FKBP3: variants seen among roughly 807,000 people sequenced by gnomAD.
FKBP3 encodes FKBP prolyl isomerase 3, also known as peptidyl-prolyl cis-trans isomerase FKBP3.
A neutral mutation model predicts 30.6 loss-of-function variants in FKBP3; 21 were observed. That is an observed-to-expected ratio of 0.69 (90% confidence interval 0.49 to 0.99). FKBP3 has a LOEUF of 0.99. Ranked by LOEUF, FKBP3 falls within the 50% of genes least tolerant of loss-of-function variation. The pLI, the probability that FKBP3 is intolerant of heterozygous loss-of-function variation, is 0.00. For synonymous variants in FKBP3, 82 were observed against 91.3 expected (o/e 0.90, Z 0.58); for missense variants, 283 against 261.6 (o/e 1.08, Z -0.56).
intron 3 of FKBP3, among the ~76,000 whole-genome samples, chr14:45,122,479 A>G (rs1885006961): frequency 6.6e-6 from 1 of 152,116 alleles, no homozygotes. Context: ...AAGCAAGAGA[A>G]AAGTGTTTTC....
chr14:45,123,573 T>A (rs1172851497), intron 3 of FKBP3, among the ~76,000 whole-genome samples: 1 of 143,384 alleles, frequency 7.0e-6, no homozygotes, highest in African/African-American at 2.5e-5. Context: ...TTTTCACTTC[T>A]CTAACTCTGC....
intron 5 of FKBP3, among the ~76,000 whole-genome samples, chr14:45,120,302 G>A (rs1282036637): frequency 1.3e-5 from 2 of 152,148 alleles, no homozygotes; most frequent in African/African-American, 4.8e-5. Flanking sequence ...TACGGGTCAA[G>A]CCTAACTTCC....
At chr14:45,129,132 C>A (rs1323470518) in intron 3 of FKBP3, among the ~76,000 whole-genome samples, 1 of 152,214 alleles carries the variant, frequency 6.6e-6, no homozygotes, top group Non-Finnish European at 1.5e-5. Context: ...AATAGCCTCA[C>A]CTCTTTACAA....
intron 1 of FKBP3, chr14:45,131,401 G>A (rs1416821961): frequency 6.6e-6 from 1 of 152,114 alleles, no homozygotes; most frequent in East Asian, 1.9e-4. Flanking sequence ...GGAGGCTGAG[G>A]CAGGCGGATC....
chr14:45,121,609 T>C lies in FKBP3; in HGVS notation c.330A>G (p.Lys110=), dbSNP rs1884986622. 1 of 1,613,320 alleles carries C rather than the reference T, an allele frequency of 6.2e-7. No homozygotes were observed. Among genetic ancestry groups the C allele is most frequent in the African/African-American group, 1.3e-5 (1 of 75,012 alleles). ...SEETLDEGPP[K]YTKSVLKKGD... is the part of the protein sequence containing the mutation. ...CCTTTTTCAGAACAGATTTAGTATA[T>C]TTTGGTGGACCCTAAAAACAAAAAA... is the stretch of plus-strand genomic sequence containing the variant. Residue 110 remains lysine (K), a synonymous_variant, in exon 4 of 7, where the codon AAA becomes AAG. Coordinates refer to ENST00000396062, the MANE Select transcript of FKBP3 (RefSeq NM_002013.4).
intron 5 of FKBP3, 147 bp from the exon 6 acceptor site, chr14:45,118,272 G>A (rs1028867527): frequency 2.3e-5 from 12 of 524,402 alleles, no homozygotes; most frequent in Admixed American, 8.1e-5. Flanking sequence ...GTACTTCAGT[G>A]AGTCCCTAAA....
chr14:45,127,149 T>C (rs1205246220), intron 3 of FKBP3, among the ~76,000 whole-genome samples: 3 of 145,204 alleles, frequency 2.1e-5, no homozygotes, highest in Non-Finnish European at 4.5e-5. Flanking sequence ...GTTTCACTCT[T>C]GTTGCCCAGG....
chr14:45,120,733 T>A (rs966107829), intron 5 of FKBP3, among the ~76,000 whole-genome samples, 154 bp downstream of exon 5: 3 of 152,184 alleles, frequency 2.0e-5, no homozygotes, highest in African/African-American at 7.2e-5. Context: ...CGAGATAACT[T>A]GTGCAAGATC....
In FKBP3 at chr14:45,129,840, T is replaced by C; in HGVS notation, c.272A>G (p.Asn91Ser). ...CTTGGTTTCTTTGGGTTTATCTTCA[T>C]TAAGCTTCACATTTTTTACTTGCTC... is the stretch of plus-strand genomic sequence containing the variant. ...VSEQVKNVKL[N>S]EDKPKETKSE... is the part of the protein sequence containing the mutation. Residue 91 changes from asparagine to serine, a missense_variant, in exon 3 of 7, where the codon AAT (asparagine) becomes AGT (serine). By Grantham distance (46) the Asn-to-Ser change is conservative. Transcript: ENST00000396062. The C allele has an allele frequency of 6.2e-7, 1 of 1,613,272 alleles. No homozygotes were observed. Among genetic ancestry groups the C allele is most frequent in the Non-Finnish European group, 8.5e-7 (1 of 1,179,570 alleles).
chr14:45,129,986 G>T, intron 2 of FKBP3, 85 bp from the exon 3 acceptor site: 1 of 691,824 alleles, frequency 1.4e-6, no homozygotes, highest in Non-Finnish European at 2.4e-6. Flanking sequence ...TCAATTAAAT[G>T]AACATCTGCA....
At chr14:45,123,505 A>G (rs900224911) in intron 3 of FKBP3, among the ~76,000 whole-genome samples, 1 of 148,402 alleles carries the variant, frequency 6.7e-6, no homozygotes, top group African/African-American at 2.5e-5. Flanking sequence ...GATAAGCGCC[A>G]GTTGGCAAAC....
At chr14:45,119,274 G>A (rs1234413127) in intron 5 of FKBP3, among the ~76,000 whole-genome samples, 2 of 152,084 alleles carry the variant, frequency 1.3e-5, no homozygotes, top group African/African-American at 4.8e-5. Context: ...TGGAAAATAA[G>A]AATATGGTAG....
intron 3 of FKBP3, among the ~76,000 whole-genome samples, chr14:45,129,238 A>T (rs1029716549): frequency 2.0e-5 from 3 of 152,246 alleles, no homozygotes; most frequent in Non-Finnish European, 4.4e-5. Flanking sequence ...GATTATAATC[A>T]ATTCAGCTCT....
At chr14:45,132,199 T>C (rs1413166649) in intron 1 of FKBP3, among the ~76,000 whole-genome samples, 2 of 152,180 alleles carry the variant, frequency 1.3e-5, no homozygotes, top group African/African-American at 4.8e-5. Context: ...AAAGATATGT[T>C]CTAAATAACA....
rs371480980 is a variant in FKBP3 at position 45,126,233 on chromosome 14, T to C, written c.318+3561A>G. On this transcript the variant is annotated intron_variant, in intron 3 of 6. Coordinates refer to ENST00000396062, the MANE Select transcript of FKBP3 (RefSeq NM_002013.4). Reference sequence around the variant, plus strand: ...GGCCGGGCACAGTGGCTCACGCCTGTAATCCCAGCACTTTGGGAGGCCGAG... The same window carrying C: ...GGCCGGGCACAGTGGCTCACGCCTGCAATCCCAGCACTTTGGGAGGCCGAG... Among the ~76,000 whole-genome samples, 6 of 150,228 alleles carry C rather than the reference T, an allele frequency of 4.0e-5. No homozygotes were observed. In the East Asian group the frequency reaches 1.3e-3, roughly 32 times the overall value.
At chr14:45,116,985 C>T (rs545491858) in intron 6 of FKBP3, among the ~76,000 whole-genome samples, 1 of 151,950 alleles carries the variant, frequency 6.6e-6, no homozygotes, top group African/African-American at 2.4e-5. Flanking sequence ...CCCGCCCCCC[C>T]CACCGAGACA....
chr14:45,121,037 G>A (rs1340779445), intron 4 of FKBP3, 83 bp from the exon 5 acceptor site: 56 of 1,144,298 alleles, frequency 4.9e-5, no homozygotes, highest in Non-Finnish European at 6.9e-5. Context: ...TTAAATTCCA[G>A]TGGAAAAATA....
At position 45,132,461 on chromosome 14, in the gene FKBP3, A is replaced by C. The variant is rs1027718034; in HGVS notation, c.109-1661T>G. ...CGCCCAGGCTGGAGTGCAGTGGCCC[A>C]ATCTCGGCCCACTGCAACCTCCCCC... On this transcript the variant is annotated intron_variant, in intron 1 of 6. Coordinates refer to ENST00000396062, the MANE Select transcript of FKBP3 (RefSeq NM_002013.4). Among the ~76,000 whole-genome samples the C allele has an allele frequency of 1.1e-4, 17 of 152,152 alleles. No individual in the cohort carries two copies. The East Asian group carries it at 1.7e-3, about 16-fold the overall frequency.
chr14:45,130,847 G>T, intron 1 of FKBP3, 47 bp from the exon 2 acceptor site: 5 of 1,117,906 alleles, frequency 4.5e-6, no homozygotes, highest in Non-Finnish European at 6.6e-6. Context: ...TCCCGAGTAA[G>T]AAGTGTCTAA....
Sources: allele counts gnomAD v4.1 joint callset (sites outside exome capture counted in the v4.1 genomes callset), GRCh38; gene constraint gnomAD v4.1.1; transcripts MANE v1.5; gene names NCBI Gene and HGNC (gene_info 2026-07-23, HGNC 2026-07-21).